Variants in TP73 observed in about 807,000 individuals in gnomAD.
The protein encoded by TP73 is tumor protein p73, also known as p53-like transcription factor.
TP73 carries 25 observed loss-of-function variants against 62.5 expected under a neutral mutation model. That is an observed-to-expected ratio of 0.40 (90% confidence interval 0.29 to 0.56). TP73 has a LOEUF of 0.56. Ranked by LOEUF, TP73 falls within the 20% of genes least tolerant of loss-of-function variation. The probability of loss-of-function intolerance (pLI) is 0.46; values close to 1 mark genes in which losing one functional copy is unlikely to be tolerated. For missense variants in TP73, 754 were observed against 913.3 expected (o/e 0.83, Z 2.25); for synonymous variants, 423 against 377.5 (o/e 1.12, Z -1.40).
In TP73 at chr1:3,717,850, C is replaced by T. The variant is rs538506014; in HGVS notation, c.430-4171C>T. Among the ~76,000 whole-genome samples, 19 of 152,360 alleles carry T rather than the reference C, an allele frequency of 1.2e-4. 1 individual carries two copies. Among genetic ancestry groups the T allele is most frequent in the South Asian group, 1.2e-3 (6 of 4,830 alleles). On this transcript the variant is annotated intron_variant, in intron 4 of 13. Transcript: ENST00000378295. ...CATCCTCCCCGAGGCCACCCAGCTC[C>T]GGCCCGGCTGGGCACCTGGGGTCCA...
chr1:3,662,840 A>C lies in TP73; in HGVS notation c.-34+10199A>C, dbSNP rs1645027344. 6.6e-6 allele frequency among the ~76,000 whole-genome samples: 1 copy of C among 152,046 alleles called. No individual in the cohort carries two copies. The highest frequency in any genetic ancestry group is 2.4e-5 in the African/African-American group (1 of 41,406). ...GGCCCCAGGACAGACCTGGCTGGGG[A>C]GCGCAGGGAGGGGTCCCCAGTGTGA... On this transcript the variant is annotated intron_variant, in intron 1 of 13. Transcript: ENST00000378295. This position sits in a 1 kb window ranked among gnomAD's most constrained non-coding sequence, Gnocchi z 4.4.
chr1:3,710,413 G>A (rs920676220), intron 4 of TP73, among the ~76,000 whole-genome samples: 2 of 152,152 alleles, frequency 1.3e-5, no homozygotes, highest in Non-Finnish European at 2.9e-5. Flanking sequence ...AGTGCAGAAC[G>A]GGGCCGCCGG....
chr1:3,714,815 G>A (rs941104815), intron 4 of TP73, among the ~76,000 whole-genome samples: 7 of 152,198 alleles, frequency 4.6e-5, no homozygotes, highest in South Asian at 4.1e-4. Flanking sequence ...TTGTCTCTGC[G>A]GACCCAGGGC....
At chr1:3,729,909 A>G (rs1012104788) in intron 10 of TP73, 91 bp from the exon 11 acceptor site, 1 of 1,466,312 alleles carries the variant, frequency 6.8e-7, no homozygotes, top group Non-Finnish European at 9.1e-7. Flanking sequence ...GGCTCCACCC[A>G]TTCGCAGCAT....
intron 11 of TP73, 85 bp downstream of exon 11, chr1:3,730,233 G>A (rs1642026061): frequency 2.3e-5 from 32 of 1,364,998 alleles, no homozygotes; most frequent in Admixed American, 5.9e-5. Context: ...CACCCAGCTC[G>A]GGACCCAGGG....
chr1:3,716,532 C>T, intron 4 of TP73, among the ~76,000 whole-genome samples: 1 of 152,212 alleles, frequency 6.6e-6, no homozygotes, highest in East Asian at 1.9e-4. Context: ...TAGTGGCTTC[C>T]CTGGGGCAGG....
intron 10 of TP73, 103 bp from the exon 11 acceptor site, chr1:3,729,897 G>C: frequency 1.4e-6 from 2 of 1,433,054 alleles, no homozygotes; most frequent in Non-Finnish European, 1.9e-6. Context: ...TCTGACATCA[G>C]AGGCTCCACC....
chr1:3,704,916 G>A (rs776850731), intron 3 of TP73, among the ~76,000 whole-genome samples: 30 of 152,254 alleles, frequency 2.0e-4, no homozygotes, highest in African/African-American at 3.4e-4. Context: ...CCAGACACCA[G>A]GAGGAGCAGG....
intron 4 of TP73, among the ~76,000 whole-genome samples, chr1:3,721,131 G>A (rs572250037): frequency 2.0e-5 from 3 of 152,342 alleles, no homozygotes; most frequent in Admixed American, 2.0e-4. Flanking sequence ...GTGAGTGGAC[G>A]CCCCTGCAGC....
At chr1:3,712,436 G>T (rs1640228306) in intron 4 of TP73, 1 of 152,180 alleles carries the variant, frequency 6.6e-6, no homozygotes, top group African/African-American at 2.4e-5. Context: ...TCACTCTTGG[G>T]CCCTGGAGGT....
Position 3,666,095 on chromosome 1 carries a change from G to T in TP73, c.-34+13454G>T, listed in dbSNP as rs1189608150. On this transcript the variant is annotated intron_variant, in intron 1 of 13. Coordinates refer to ENST00000378295, the MANE Select transcript of TP73 (RefSeq NM_005427.4). The surrounding 1 kb of genome is among the most constrained non-coding windows in gnomAD (Gnocchi z 6.4). The stretch of plus-strand genomic sequence containing the variant: ...GCTGAGATCGCACCATTGTACTCCA[G>T]CCTGGGCAACAAGAGCAAAACTCTG... Among the ~76,000 whole-genome samples, 2 of 129,680 alleles carry T rather than the reference G, an allele frequency of 1.5e-5. No individual in the cohort carries two copies. The highest frequency in any genetic ancestry group is 1.6e-5 in the Non-Finnish European group (1 of 64,368). 85.1% of individuals were successfully genotyped at this position (129,680 alleles called of 152,430 possible).
chr1:3,722,389 G>T (rs1335437181), intron 5 of TP73, among the ~76,000 whole-genome samples, 182 bp downstream of exon 5: 1 of 152,228 alleles, frequency 6.6e-6, no homozygotes, highest in Non-Finnish European at 1.5e-5. Context: ...GGACCTGGGG[G>T]GGCCCATGCT....
intron 1 of TP73, among the ~76,000 whole-genome samples, chr1:3,664,263 T>C (rs978041882): frequency 3.3e-5 from 5 of 152,170 alleles, no homozygotes; most frequent in African/African-American, 1.2e-4. Flanking sequence ...GGCGCTGCAT[T>C]GGATAGGAAG....
Position 3,729,396 on chromosome 1 carries a change from C to A in TP73, c.1144C>A (p.Pro382Thr). ...GAGCCTGGAGCTGATGGAGTTGGTG[C>A]CGCAGCCACTGGTGGACTCCTATCG... ...KESLELMELV[P>T]QPLVDSYRQQ... is the part of the protein sequence containing the mutation. Residue 382 changes from proline to threonine, a missense_variant, in exon 10 of 14, where the codon CCG (proline) becomes ACG (threonine). By Grantham distance (38) the Pro-to-Thr change is conservative (BLOSUM62 -1). Around this residue, in one of 3 missense-constraint regions of TP73, gnomAD observed 458 missense variants for 528.7 expected, o/e 0.87. Coordinates refer to ENST00000378295, the MANE Select transcript of TP73 (RefSeq NM_005427.4). 1.2e-6 allele frequency: 2 copies of A among 1,613,120 alleles called. No homozygotes were observed. The highest frequency in any genetic ancestry group is 1.7e-6 in the Non-Finnish European group (2 of 1,179,986).
intron 3 of TP73, among the ~76,000 whole-genome samples, chr1:3,700,722 A>G (rs1170085137): frequency 6.6e-6 from 1 of 151,988 alleles, no homozygotes; most frequent in African/African-American, 2.4e-5. Context: ...TGGAAGTTGC[A>G]GTGAGCCGAG....
chr1:3,715,184 C>T (rs1640490938), intron 4 of TP73, among the ~76,000 whole-genome samples: 1 of 152,158 alleles, frequency 6.6e-6, no homozygotes, highest in African/African-American at 2.4e-5. Context: ...CAGGTGAGGC[C>T]CCTGGCTGTT....
intron 4 of TP73, among the ~76,000 whole-genome samples, chr1:3,710,515 T>C (rs1421243677): frequency 6.6e-6 from 1 of 152,146 alleles, no homozygotes; most frequent in Admixed American, 6.5e-5. Flanking sequence ...GCACCGTGAC[T>C]CCTGGGGCTC....
intron 3 of TP73, among the ~76,000 whole-genome samples, chr1:3,689,714 G>T (rs1228912901): frequency 2.0e-5 from 3 of 152,158 alleles, no homozygotes; most frequent in East Asian, 3.9e-4. Context: ...GGCAGGAAAA[G>T]GTTGGAAGGA....
chr1:3,664,197 G>T (rs1374123434), intron 1 of TP73, among the ~76,000 whole-genome samples: 1 of 152,244 alleles, frequency 6.6e-6, no homozygotes. Flanking sequence ...CAGCCCAGAT[G>T]CAGGGCCTGA....
Sources: gnomAD v4.1 joint callset for allele counts (sites outside exome capture counted in the v4.1 genomes callset) on GRCh38, gnomAD v4.1.1 for gene constraint, gnomAD v4.1.1 regional missense constraint, Gnocchi (gnomAD v3.1) non-coding constraint, MANE v1.5 for transcripts, NCBI Gene and HGNC (gene_info 2026-07-23, HGNC 2026-07-21) for gene names.